The following HNF4G variants were observed in gnomAD, a reference collection of about 807,000 sequenced individuals.
HNF4G encodes hepatocyte nuclear factor 4-gamma.
HNF4G carries 21 observed loss-of-function variants against 50.9 expected under a neutral mutation model. That is an observed-to-expected ratio of 0.41 (90% CI 0.29 to 0.59). The LOEUF is 0.59. Ranked by LOEUF, HNF4G falls within the 20% of genes least tolerant of loss-of-function variation. The probability of loss-of-function intolerance (pLI) is 0.26; values close to 1 mark genes in which losing one functional copy is unlikely to be tolerated. For missense variants in HNF4G, 527 were observed against 559.4 expected, an observed-to-expected ratio of 0.94 and a Z score of 0.58; for synonymous variants, 198 against 185.6, an observed-to-expected ratio of 1.07 and a Z score of -0.54.
intron 1 of HNF4G, among the ~76,000 whole-genome samples, chr8:75,466,629 C>A (rs918677364): frequency 1.7e-5 from 1 of 58,104 alleles, no homozygotes. Flanking sequence ...TCCTTCCTTC[C>A]TTCCTTCTCC....
chr8:75,496,227 G>A (rs1812761965), intron 2 of HNF4G, among the ~76,000 whole-genome samples: 2 of 152,074 alleles, frequency 1.3e-5, no homozygotes, highest in Admixed American at 1.3e-4. Context: ...ACCGTAAAAT[G>A]TACTTCTTAA....
At chr8:75,464,728 C>A (rs2130615383) in intron 1 of HNF4G, among the ~76,000 whole-genome samples, 1 of 152,042 alleles carries the variant, frequency 6.6e-6, no homozygotes, top group African/African-American at 2.4e-5. Flanking sequence ...TATCTTATAC[C>A]CATGACTGCT....
chr8:75,471,237 T>C (rs75048756), intron 1 of HNF4G, among the ~76,000 whole-genome samples: 1 of 152,304 alleles, frequency 6.6e-6, no homozygotes, highest in South Asian at 2.1e-4. Context: ...ATTTGAATTA[T>C]TCTACTGCCA....
chr8:75,411,911 G>A (rs1334025861), intron 1 of HNF4G, among the ~76,000 whole-genome samples: 3 of 152,090 alleles, frequency 2.0e-5, no homozygotes, highest in Admixed American at 2.0e-4. Flanking sequence ...CTAATCCATG[G>A]GAAACATTTA....
chr8:75,468,331 A>G (rs536423306), intron 1 of HNF4G, among the ~76,000 whole-genome samples: 2 of 152,192 alleles, frequency 1.3e-5, no homozygotes, highest in East Asian at 3.9e-4. Context: ...TCACTTAGGT[A>G]TTTCTCAAGA....
intron 2 of HNF4G, among the ~76,000 whole-genome samples, chr8:75,522,120 A>C (rs1269866776): frequency 6.6e-6 from 1 of 152,224 alleles, no homozygotes; most frequent in Non-Finnish European, 1.5e-5. Context: ...TTTTTCAATG[A>C]ATGACAAAAG....
chr8:75,433,459 G>T (rs920799593), intron 1 of HNF4G, among the ~76,000 whole-genome samples: 2 of 149,568 alleles, frequency 1.3e-5, no homozygotes, highest in African/African-American at 4.9e-5. Context: ...AATTTTAATT[G>T]CTGTTTTAGG....
chr8:75,457,926 G>A (rs915353155), intron 1 of HNF4G, among the ~76,000 whole-genome samples: 1 of 151,976 alleles, frequency 6.6e-6, no homozygotes. Context: ...GAACAAAAAA[G>A]AAAGATACCA....
At chr8:75,421,630 GA>G (rs1438557878) in intron 1 of HNF4G, among the ~76,000 whole-genome samples, 1 of 152,186 alleles carries the variant, frequency 6.6e-6, no homozygotes, top group Non-Finnish European at 1.5e-5. Context: ...AGTTTACACG[GA>G]AATTGCACAT....
intron 2 of HNF4G, among the ~76,000 whole-genome samples, chr8:75,547,248 T>A (rs1406862905): frequency 6.6e-6 from 1 of 152,196 alleles, no homozygotes; most frequent in Non-Finnish European, 1.5e-5. Context: ...GCCTCCTTCA[T>A]ACTGAAATCA....
At chr8:75,460,078 GAA>G (rs5892493) in intron 1 of HNF4G, among the ~76,000 whole-genome samples, 11 of 149,756 alleles carry the variant, frequency 7.3e-5, no homozygotes, top group South Asian at 2.1e-4. Context: ...ACGTTCTGAA[GAA>G]AAAAAAAAAT....
intron 2 of HNF4G, chr8:75,527,162 A>C (rs921736660): frequency 6.6e-6 from 1 of 152,160 alleles, no homozygotes; most frequent in Non-Finnish European, 1.5e-5. Context: ...GTCCTCAAGC[A>C]TATTGTTGAA....
At chr8:75,443,483 C>A (rs1039943426) in intron 1 of HNF4G, among the ~76,000 whole-genome samples, 1 of 152,014 alleles carries the variant, frequency 6.6e-6, no homozygotes, top group Non-Finnish European at 1.5e-5. Flanking sequence ...TTTATTTTAG[C>A]CTCATAATGA....
At chr8:75,510,840 A>G (rs896187827) in intron 2 of HNF4G, among the ~76,000 whole-genome samples, 1 of 152,084 alleles carries the variant, frequency 6.6e-6, no homozygotes, top group Non-Finnish European at 1.5e-5. Context: ...TATATATTTT[A>G]TGTGGTTGGA....
Position 75,494,299 on chromosome 8 carries a change from AGC to A in HNF4G, c.-24+4092_-24+4093del, listed in dbSNP as rs1491364851. On this transcript the variant is annotated intron_variant, in intron 2 of 10. Coordinates refer to the HNF4G transcript ENST00000354370. ...GAAAAAAGCTACTGCTCTCCCATAC[AGC>A]ACACACACACACACACACACACACA... 9.3e-3 allele frequency among the ~76,000 whole-genome samples: 1,273 copies of A among 137,116 alleles called. 18 individuals carry two copies. The highest frequency in any genetic ancestry group is 0.02 in the South Asian group (83 of 4,222). 90.0% of individuals were successfully genotyped at this position (137,116 alleles called of 152,430 possible).
At chr8:75,463,447 T>C (rs1811898125) in intron 1 of HNF4G, among the ~76,000 whole-genome samples, 1 of 152,194 alleles carries the variant, frequency 6.6e-6, no homozygotes, top group African/African-American at 2.4e-5. Context: ...TTTAAACAAT[T>C]GTTGACTCCT....
At chr8:75,460,506 A>G (rs560900055) in intron 1 of HNF4G, among the ~76,000 whole-genome samples, 1 of 152,178 alleles carries the variant, frequency 6.6e-6, no homozygotes, top group Non-Finnish European at 1.5e-5. Context: ...AAAATGATGA[A>G]TGCTGTTCTG....
intron 5 of HNF4G, among the ~76,000 whole-genome samples, chr8:75,553,586 T>C (rs1249202395): frequency 6.6e-6 from 1 of 152,056 alleles, no homozygotes; most frequent in African/African-American, 2.4e-5. Flanking sequence ...GAAGCTGCTA[T>C]ATAAAACTCC....
At chr8:75,459,067 A>G (rs975153786) in intron 1 of HNF4G, among the ~76,000 whole-genome samples, 2 of 152,154 alleles carry the variant, frequency 1.3e-5, no homozygotes, top group African/African-American at 4.8e-5. Context: ...GCTTACAGTG[A>G]CTACATTCAT....
Sources: gnomAD v4.1 joint callset for allele counts (sites outside exome capture counted in the v4.1 genomes callset) on GRCh38, gnomAD v4.1.1 for gene constraint, MANE v1.5 for transcripts, NCBI Gene and HGNC (gene_info 2026-07-23, HGNC 2026-07-21) for gene names.